ZC3H7A: variants seen among roughly 807,000 people sequenced by gnomAD.
ZC3H7A encodes the protein zinc finger CCCH-type containing 7A.
Under a neutral mutation model 125.5 loss-of-function variants are expected in ZC3H7A, and 44 were observed. The observed-to-expected ratio is 0.35, with a 90% CI of 0.28 to 0.45. The LOEUF (loss-of-function observed/expected upper bound fraction) is 0.45, where lower values mean the gene tolerates loss of function less well. ZC3H7A is among the 20% of genes least tolerant of loss of function. The pLI is 1.00. For synonymous variants in ZC3H7A, 399 were observed against 391.2 expected, an observed-to-expected ratio of 1.02 and a Z score of -0.23; for missense variants, 977 against 1,170.7, an observed-to-expected ratio of 0.83 and a Z score of 2.41.
At chr16:11,764,964 T>A in intron 15 of ZC3H7A, 89 bp downstream of exon 15, 1 of 856,896 alleles carries the variant, frequency 1.2e-6, no homozygotes, top group Non-Finnish European at 1.8e-6. Context: ...GAAAGGGCAA[T>A]GCCTGGACAG....
Position 11,775,010 on chromosome 16 carries a change from A to C in ZC3H7A, c.589T>G (p.Leu197Val). ...TCAATATCTTCCACAGAATGGTTCA[A>C]AGCCTAGAAATTAAACCAAACAATG... is the stretch of plus-strand genomic sequence containing the variant. ...SVPGDGATKA[L>V]NHSVEDIEPD... is the part of the protein sequence containing the mutation. Residue 197 changes from leucine to valine, a missense_variant, in exon 8 of 23, where the codon TTG (leucine) becomes GTG (valine). By Grantham distance (32) the Leu-to-Val change is conservative. Coordinates refer to ENST00000355758, the MANE Select transcript of ZC3H7A (RefSeq NM_014153.4). The C allele has an allele frequency of 6.2e-7, 1 of 1,614,170 alleles. No homozygotes were observed. Among genetic ancestry groups the C allele is most frequent in the Non-Finnish European group, 8.5e-7 (1 of 1,180,000 alleles).
At chr16:11,771,552 G>GT (rs2052982818) in intron 9 of ZC3H7A, among the ~76,000 whole-genome samples, 2 of 151,820 alleles carry the variant, frequency 1.3e-5, no homozygotes, top group Non-Finnish European at 2.9e-5. Context: ...CCAGGCTGGA[G>GT]TACAGTGGCA....
intron 1 of ZC3H7A, among the ~76,000 whole-genome samples, chr16:11,792,045 C>T (rs57465686): frequency 0.025 from 3,823 of 152,198 alleles, 162 homozygotes; most frequent in African/African-American, 0.088. Context: ...GTAGCTGGAA[C>T]TACAAGCACA....
chr16:11,772,686 G>A (rs1223492914), intron 9 of ZC3H7A, among the ~76,000 whole-genome samples: 1 of 150,754 alleles, frequency 6.6e-6, no homozygotes, highest in Non-Finnish European at 1.5e-5. Context: ...CTTTATGGGA[G>A]GGGTCAGAGA....
intron 22 of ZC3H7A, among the ~76,000 whole-genome samples, chr16:11,752,354 T>C (rs1202521862): frequency 6.6e-6 from 1 of 152,236 alleles, no homozygotes; most frequent in Non-Finnish European, 1.5e-5. Flanking sequence ...GGCAAAGGGT[T>C]TGAGAATCAC....
chr16:11,774,532 T>C lies in ZC3H7A; in HGVS notation c.620-13A>G, dbSNP rs779887865. 3 of 1,510,652 alleles carry C rather than the reference T, an allele frequency of 2.0e-6. No individual in the cohort carries two copies. 93.6% of individuals were successfully genotyped at this position (1,510,652 alleles called of 1,614,324 possible). ...GGAGTTAATAAATCTGTAACACAGATGGAAATGTACTCAGTCACTTTCATC... is the reference window on the plus strand; with the variant it reads ...GGAGTTAATAAATCTGTAACACAGACGGAAATGTACTCAGTCACTTTCATC... On this transcript the variant is annotated splice_polypyrimidine_tract_variant and intron_variant, in intron 8 of 22. Coordinates refer to ENST00000355758, the MANE Select transcript of ZC3H7A (RefSeq NM_014153.4).
At chr16:11,768,960 A>C (rs901704621) in intron 11 of ZC3H7A, 71 bp downstream of exon 11, 35 of 1,465,148 alleles carry the variant, frequency 2.4e-5, no homozygotes, top group Non-Finnish European at 3.3e-5. Context: ...TGTTCATTCA[A>C]ATAACTCGGT....
In ZC3H7A at chr16:11,763,480, G is replaced by A. The variant is rs1447299458; in HGVS notation, c.2000C>T (p.Thr667Ile). The change falls in exon 16 of 23, where the codon ACA becomes ATA. Residue 667 changes from threonine to isoleucine, a missense_variant and splice_region_variant. Thr to Ile is a moderately conservative substitution (Grantham distance 89). Around this residue, in one of 3 missense-constraint regions of ZC3H7A, gnomAD observed 436 missense variants for 603.2 expected, o/e 0.72. Coordinates refer to ENST00000355758, the MANE Select transcript of ZC3H7A (RefSeq NM_014153.4). ...TTCTCAGTCGCACTCAAACCTACCT[G>A]TTTCATTTTGCATTATCCAGACTTT... ...ELKVWIMQNE[T>I]GISHDAIAQE... 4 of 1,593,096 alleles carry A rather than the reference G, an allele frequency of 2.5e-6. No homozygotes were observed. In the East Asian group the frequency reaches 9.1e-5, roughly 36 times the overall value.
chr16:11,774,674 A>C (rs2053049487), intron 8 of ZC3H7A, among the ~76,000 whole-genome samples, 155 bp from the exon 9 acceptor site: 1 of 152,210 alleles, frequency 6.6e-6, no homozygotes, highest in Non-Finnish European at 1.5e-5. Context: ...AAACAGATAC[A>C]GTCACGTGTG....
At chr16:11,764,103 AAATTTTT>A (rs1442502756) in intron 15 of ZC3H7A, among the ~76,000 whole-genome samples, 5 of 152,004 alleles carry the variant, frequency 3.3e-5, no homozygotes, top group African/African-American at 1.2e-4. Context: ...CCTACATTTT[AAATTTTT>A]ATCGGAAAAA....
chr16:11,774,663 C>T, intron 8 of ZC3H7A, 144 bp from the exon 9 acceptor site: 1 of 1,027,226 alleles, frequency 9.7e-7, no homozygotes, highest in African/African-American at 1.6e-5. Context: ...AAAGCAATTC[C>T]AAACAGATAC....
intron 1 of ZC3H7A, 73 bp downstream of exon 1, chr16:11,797,051 G>GGC (rs1271032229): frequency 5.9e-5 from 8 of 135,326 alleles, no homozygotes; most frequent in East Asian, 2.7e-4. Flanking sequence ...ACGAGGCGGC[G>GGC]GCGCGCGCGG....
chr16:11,774,615 G>A, intron 8 of ZC3H7A, 96 bp from the exon 9 acceptor site: 4 of 1,323,352 alleles, frequency 3.0e-6, no homozygotes, highest in Non-Finnish European at 4.1e-6. Context: ...ATGAAAATAT[G>A]AAGGCAATTA....
In ZC3H7A at chr16:11,768,892, G is replaced by A. The variant is rs1253450106; in HGVS notation, c.1173+139C>T. 6.2e-6 allele frequency: 5 copies of A among 812,650 alleles called. 1 individual carries two copies. The African/African-American group carries it at 8.8e-5, about 14-fold the overall frequency. 50.3% of individuals were successfully genotyped at this position (812,650 alleles called of 1,614,324 possible). A position where few individuals can be genotyped will look rare whatever the true frequency, so the allele number is the denominator to read the frequency against. ...AGAGCCGTTATTACTAGATGTTCCA[G>A]AAGTCTTACTTTAACACAATTTCCT... On this transcript the variant is annotated intron_variant, in intron 11 of 22. Transcript: ENST00000355758.
intron 21 of ZC3H7A, among the ~76,000 whole-genome samples, chr16:11,755,206 T>A (rs1312490323): frequency 1.5e-5 from 2 of 131,666 alleles, no homozygotes; most frequent in Admixed American, 7.7e-5. Context: ...TAAGACTCCA[T>A]CTCAAAAAAA....
intron 19 of ZC3H7A, among the ~76,000 whole-genome samples, chr16:11,760,138 A>AAAAAAAAAAAAAAG (rs1567374763): frequency 8.2e-5 from 12 of 145,598 alleles, no homozygotes; most frequent in Non-Finnish European, 9.1e-5. Context: ...AAAAAAAAAA[A>AAAAAAAAAAAAAAG]AAAAAAAGAA....
chr16:11,773,956 G>A (rs922182384), intron 9 of ZC3H7A, among the ~76,000 whole-genome samples: 8 of 151,466 alleles, frequency 5.3e-5, no homozygotes, highest in Non-Finnish European at 8.8e-5. Context: ...AATATCAAAC[G>A]CCTATTTTTT....
chr16:11,752,881 C>A (rs1407323269), intron 21 of ZC3H7A, 49 bp from the exon 22 acceptor site: 1 of 1,578,614 alleles, frequency 6.3e-7, no homozygotes, highest in Admixed American at 1.8e-5. Context: ...GATGTGAGAT[C>A]CAGACTCAAT....
intron 10 of ZC3H7A, among the ~76,000 whole-genome samples, chr16:11,769,910 C>G (rs2052949310): frequency 6.7e-6 from 1 of 149,750 alleles, no homozygotes; most frequent in East Asian, 2.0e-4. Flanking sequence ...CCACCTCCAC[C>G]TCCCAAGTAA....
Sources: gnomAD v4.1 joint callset for allele counts (sites outside exome capture counted in the v4.1 genomes callset) on GRCh38, gnomAD v4.1.1 for gene constraint, gnomAD v4.1.1 regional missense constraint, MANE v1.5 for transcripts, NCBI Gene and HGNC (gene_info 2026-07-23, HGNC 2026-07-21) for gene names.